Variants in AKAP12 observed in about 807,000 individuals in gnomAD.
AKAP12 encodes A-kinase anchoring protein 12.
AKAP12 carries 32 observed loss-of-function variants against 79.9 expected under a neutral mutation model. The observed-to-expected ratio is 0.40, with a 90% CI of 0.30 to 0.54. The LOEUF (loss-of-function observed/expected upper bound fraction) is 0.54, where lower values mean the gene tolerates loss of function less well. Ranked by LOEUF, AKAP12 falls within the 20% of genes least tolerant of loss-of-function variation. The pLI is 0.48. For missense variants in AKAP12, 2,074 were observed against 2,177.0 expected, an observed-to-expected ratio of 0.95 and a Z score of 0.94; for synonymous variants, 808 against 857.0, an observed-to-expected ratio of 0.94 and a Z score of 1.00.
chr6:151,278,820 A>T (rs1776339294), intron 2 of AKAP12, among the ~76,000 whole-genome samples: 1 of 151,908 alleles, frequency 6.6e-6, no homozygotes, highest in Non-Finnish European at 1.5e-5. Context: ...GGCACCTGCC[A>T]CCATGCCCGG....
chr6:151,350,811 T>G lies in AKAP12; in HGVS notation c.2420T>G (p.Ile807Ser). The change falls in exon 4 of 5, where the codon ATC becomes AGC. Residue 807 changes from isoleucine to serine, a missense_variant. This residue lies in a region of AKAP12 where 1,428 missense variants were observed against 1,451.0 expected (regional missense o/e 0.98). Coordinates refer to ENST00000402676, the MANE Select transcript of AKAP12 (RefSeq NM_005100.4). The surrounding 1 kb of genome is among the most constrained non-coding windows in gnomAD (Gnocchi z 4.8). ...EPGKEESWVS[I>S]KKFIPGRRKK... ...GGTAAAGAAGAATCCTGGGTCTCAATCAAGAAGTTTATTCCTGGACGAAGG... is the reference window on the plus strand; with the variant it reads ...GGTAAAGAAGAATCCTGGGTCTCAAGCAAGAAGTTTATTCCTGGACGAAGG... 1 of 1,613,952 alleles carries G rather than the reference T, an allele frequency of 6.2e-7. No homozygotes were observed. Among genetic ancestry groups the G allele is most frequent in the Non-Finnish European group, 8.5e-7 (1 of 1,179,932 alleles).
intron 3 of AKAP12, among the ~76,000 whole-genome samples, chr6:151,308,417 T>TGGCC (rs1777021224): frequency 6.6e-6 from 1 of 152,108 alleles, no homozygotes; most frequent in Non-Finnish European, 1.5e-5. Context: ...TTCACCATGT[T>TGGCC]GGCCAGTATG....
intron 2 of AKAP12, among the ~76,000 whole-genome samples, chr6:151,249,478 C>T (rs1241178568): frequency 6.6e-6 from 1 of 152,202 alleles, no homozygotes; most frequent in African/African-American, 2.4e-5. Context: ...TACGCCTGGC[C>T]ATTTCATAAA....
At chr6:151,304,087 G>GT (rs1362732183) in intron 2 of AKAP12, among the ~76,000 whole-genome samples, 1 of 152,132 alleles carries the variant, frequency 6.6e-6, no homozygotes, top group African/African-American at 2.4e-5. Flanking sequence ...TGAGATATCT[G>GT]TATATATAAC....
At position 151,291,636 on chromosome 6, in the gene AKAP12, G is replaced by A. The variant is rs12209084; in HGVS notation, c.163-14111G>A. Among the ~76,000 whole-genome samples the A allele has an allele frequency of 3.1e-3, 472 of 152,332 alleles. 4 individuals are homozygous for A. The highest frequency in any genetic ancestry group is 8.1e-3 in the African/African-American group (337 of 41,588). ...GTGGCGCAGGGAGCTAAGCACACACGTCAGAGAAAGCCATTTCAATTTATC... is the reference window on the plus strand; with the variant it reads ...GTGGCGCAGGGAGCTAAGCACACACATCAGAGAAAGCCATTTCAATTTATC... On this transcript the variant is annotated intron_variant, in intron 2 of 4. Transcript: ENST00000402676.
chr6:151,273,252 G>A (rs369649756), intron 2 of AKAP12, among the ~76,000 whole-genome samples: 134 of 152,322 alleles, frequency 8.8e-4, no homozygotes, highest in African/African-American at 3.0e-3. Context: ...TGATGCTGTC[G>A]TGATGGTGCG....
chr6:151,325,658 G>T, intron 3 of AKAP12: 1 of 1,411,384 alleles, frequency 7.1e-7, no homozygotes, highest in Non-Finnish European at 9.2e-7. Context: ...ATTATCTGGG[G>T]AAATGCATCC....
chr6:151,321,305 C>G (rs775370388), intron 3 of AKAP12, among the ~76,000 whole-genome samples: 3 of 152,086 alleles, frequency 2.0e-5, no homozygotes, highest in Non-Finnish European at 2.9e-5. Flanking sequence ...TTCATTACCT[C>G]ATAAAGAAAC....
At position 151,351,124 on chromosome 6, in the gene AKAP12, T is replaced by A; in HGVS notation, c.2733T>A (p.Pro911=). Reference sequence around the variant, plus strand: ...CTACCATTATTGAAGAAAGGTCTCCTTCTTGGATATCTGCTTCAGTGACAG... The same window carrying A: ...CTACCATTATTGAAGAAAGGTCTCCATCTTGGATATCTGCTTCAGTGACAG... ...RAATIIEERS[P]SWISASVTEP... The change falls in exon 4 of 5, where the codon CCT becomes CCA. Residue 911 remains proline (P), a synonymous_variant. Transcript: ENST00000402676. The surrounding 1 kb of genome is among the most constrained non-coding windows in gnomAD (Gnocchi z 4.4). 6.2e-7 allele frequency: 1 copy of A among 1,614,222 alleles called. No individual in the cohort carries two copies. The highest frequency in any genetic ancestry group is 1.1e-5 in the South Asian group (1 of 91,084).
At chr6:151,328,288 T>C (rs1261086459) in intron 3 of AKAP12, among the ~76,000 whole-genome samples, 2 of 135,094 alleles carry the variant, frequency 1.5e-5, no homozygotes, top group Admixed American at 1.5e-4. Flanking sequence ...AGATCGCGCC[T>C]CTGCACTCCA....
At chr6:151,323,929 G>A (rs767469421) in intron 3 of AKAP12, 39 of 985,244 alleles carry the variant, frequency 4.0e-5, no homozygotes, top group Non-Finnish European at 4.3e-5. Context: ...CGGCTCCTGG[G>A]ACATCTCTGG....
Position 151,332,033 on chromosome 6 carries a change from G to GTTGTTTTTGTTTTTTTTTTT in AKAP12, c.320-16676_320-16675insGTTTTTGTTTTTTTTTTTTT, listed in dbSNP as rs1303327962. On this transcript the variant is annotated intron_variant, in intron 3 of 4. Transcript: ENST00000402676. The stretch of plus-strand genomic sequence containing the variant: ...GAGTAGCACGTCCAGTTCTGGGTCT[G>GTTGTTTTTGTTTTTTTTTTT]TTTTTTTTTTTTTTTTTTTTTGAGA... Among the ~76,000 whole-genome samples the GTTGTTTTTGTTTTTTTTTTT allele has an allele frequency of 2.0e-4, 16 of 79,682 alleles. 3 individuals carry two copies. Among genetic ancestry groups the GTTGTTTTTGTTTTTTTTTTT allele is most frequent in the South Asian group, 1.1e-3 (2 of 1,780 alleles). 52.3% of individuals were successfully genotyped at this position (79,682 alleles called of 152,430 possible).
chr6:151,242,718 G>A (rs541802884), intron 2 of AKAP12, among the ~76,000 whole-genome samples: 10 of 152,266 alleles, frequency 6.6e-5, no homozygotes, highest in South Asian at 2.1e-4. Flanking sequence ...CCATGGACCC[G>A]TCCCAGCAGT....
intron 2 of AKAP12, among the ~76,000 whole-genome samples, chr6:151,245,651 C>T (rs1218051917): frequency 1.0e-4 from 9 of 86,002 alleles, no homozygotes; most frequent in African/African-American, 1.9e-4. Flanking sequence ...AGAGAGACTC[C>T]GTCTCAAAAA....
rs773656705 is a variant in AKAP12 at position 151,353,634 on chromosome 6, A to G, written c.5243A>G (p.Glu1748Gly). Residue 1748 changes from glutamate to glycine, a missense_variant, in exon 4 of 5, where the codon GAA becomes GGA. This residue lies in a region of AKAP12 where 614 missense variants were observed against 665.6 expected (regional missense o/e 0.92). Transcript: ENST00000402676. The stretch of plus-strand genomic sequence containing the variant: ...GATGCCCAGGAAGTAGAATTGCAGG[A>G]AGGAAAAGTGCACAGTGAATCAGAT... Reference protein sequence around the residue: ...KEDAQEVELQEGKVHSESDKA... With the variant: ...KEDAQEVELQGGKVHSESDKA... The G allele has an allele frequency of 5.6e-6, 9 of 1,614,162 alleles. No homozygotes were observed. The highest frequency in any genetic ancestry group is 3.3e-4 in the Middle Eastern group (2 of 6,062).
rs1211841274 is a variant in AKAP12 at position 151,350,428 on chromosome 6, G to C, written c.2037G>C (p.Trp679Cys). Residue 679 changes from tryptophan to cysteine, a missense_variant, in exon 4 of 5, where the codon TGG becomes TGC. This residue lies in a region of AKAP12 where 1,428 missense variants were observed against 1,451.0 expected (regional missense o/e 0.98). Transcript: ENST00000402676. The surrounding 1 kb of genome is among the most constrained non-coding windows in gnomAD (Gnocchi z 4.8). ...GCAAGGTGGATACCTCAGTATCTTG[G>C]GAAGCTTTAATTTGTGTGGGATCAT... The part of the protein sequence containing the change: ...PKRKVDTSVS[W>C]EALICVGSSK... The C allele has an allele frequency of 1.9e-6, 3 of 1,614,046 alleles. No individual in the cohort carries two copies. The highest frequency in any genetic ancestry group is 1.7e-6 in the Non-Finnish European group (2 of 1,180,024).
At position 151,240,376 on chromosome 6, in the gene AKAP12, C is replaced by A; in HGVS notation, c.-179-8C>A. The stretch of plus-strand genomic sequence containing the variant: ...GTGGCCTTTTTTTTTTTTTCCTTTT[C>A]TTTTAAGGAGTTTGCCGCGAGCGCG... On this transcript the variant is annotated splice_region_variant and splice_polypyrimidine_tract_variant and intron_variant, in intron 1 of 4. Transcript: ENST00000402676. 4.3e-5 allele frequency: 18 copies of A among 421,554 alleles called. No individual in the cohort carries two copies. Among genetic ancestry groups the A allele is most frequent in the Non-Finnish European group, 6.1e-5 (16 of 263,294 alleles). The allele number at this position is 421,554 out of a possible 1,614,324, so 26.1% of individuals were successfully genotyped here. A position where few individuals can be genotyped will look rare whatever the true frequency, so the allele number is the denominator to read the frequency against.
chr6:151,310,560 T>G (rs1367553968), intron 3 of AKAP12, among the ~76,000 whole-genome samples: 2 of 152,036 alleles, frequency 1.3e-5, no homozygotes, highest in African/African-American at 4.8e-5. Flanking sequence ...AAACCCTGTC[T>G]CTATATTTTT....
intron 2 of AKAP12, among the ~76,000 whole-genome samples, chr6:151,263,381 G>C (rs1415863165): frequency 6.6e-6 from 1 of 152,040 alleles, no homozygotes; most frequent in African/African-American, 2.4e-5. Flanking sequence ...GAGAGTCTAG[G>C]TAACTTAGTG....
Sources: gnomAD v4.1 joint callset for allele counts (sites outside exome capture counted in the v4.1 genomes callset) on GRCh38, gnomAD v4.1.1 for gene constraint, gnomAD v4.1.1 regional missense constraint, Gnocchi (gnomAD v3.1) non-coding constraint, MANE v1.5 for transcripts, NCBI Gene and HGNC (gene_info 2026-07-23, HGNC 2026-07-21) for gene names.